Variants in NAALADL2 observed in about 807,000 individuals in gnomAD.
NAALADL2 encodes the protein inactive N-acetylated-alpha-linked acidic dipeptidase-like protein 2.
In NAALADL2, 76 loss-of-function variants were observed where a neutral mutation model predicts 87.2. The observed-to-expected ratio is 0.87, with a 90% CI of 0.72 to 1.05. NAALADL2 has a LOEUF of 1.05. Ranked by LOEUF, NAALADL2 falls within the 50% of genes least tolerant of loss-of-function variation. The probability of loss-of-function intolerance (pLI) is 0.00; values close to 1 mark genes in which losing one functional copy is unlikely to be tolerated. For synonymous variants in NAALADL2, 354 were observed against 331.0 expected (o/e 1.07, Z -0.75); for missense variants, 1,089 against 945.8 (o/e 1.15, Z -1.99).
chr3:174,858,974 A>G (rs1367849308), upstream of NAALADL2, among the ~76,000 whole-genome samples: 1 of 152,216 alleles, frequency 6.6e-6, no homozygotes. Context: ...TAAAAAATAA[A>G]TGTCGTGTAA....
At chr3:175,452,380 A>G (rs80188280) in intron 6 of NAALADL2, among the ~76,000 whole-genome samples, 4,050 of 152,236 alleles carry the variant, frequency 0.027, 78 homozygotes, top group East Asian at 0.085. Context: ...TTTGGCCATA[A>G]CAAAACTAAG....
intron 2 of NAALADL2, among the ~76,000 whole-genome samples, chr3:175,198,957 C>T (rs1739401470): frequency 6.6e-6 from 1 of 152,056 alleles, no homozygotes; most frequent in African/African-American, 2.4e-5. Context: ...ATCAGAAGCT[C>T]AGAACTCTGA....
intron 1 of NAALADL2, among the ~76,000 whole-genome samples, chr3:174,511,185 T>C (rs926749113): frequency 2.0e-5 from 3 of 152,084 alleles, no homozygotes; most frequent in Non-Finnish European, 4.4e-5. Context: ...TTAGATCAAG[T>C]CAGTTAATGG....
At chr3:175,787,413 G>T (rs927133610) in intron 13 of NAALADL2, among the ~76,000 whole-genome samples, 1 of 152,202 alleles carries the variant, frequency 6.6e-6, no homozygotes, top group African/African-American at 2.4e-5. Flanking sequence ...GTAATCTTGT[G>T]GTGCGCCGTT....
At chr3:175,292,009 G>C (rs987419472) in intron 4 of NAALADL2, among the ~76,000 whole-genome samples, 14 of 152,260 alleles carry the variant, frequency 9.2e-5, no homozygotes, top group Non-Finnish European at 2.1e-4. Flanking sequence ...TTATATGTTA[G>C]CTTTACAGGT....
At chr3:175,305,062 A>G (rs1263858122) in intron 4 of NAALADL2, among the ~76,000 whole-genome samples, 1 of 152,244 alleles carries the variant, frequency 6.6e-6, no homozygotes, top group East Asian at 1.9e-4. Flanking sequence ...GCTCTGTGAT[A>G]CAAAGTTATT....
At chr3:175,419,929 T>C (rs543178528) in intron 5 of NAALADL2, among the ~76,000 whole-genome samples, 4 of 152,008 alleles carry the variant, frequency 2.6e-5, no homozygotes, top group African/African-American at 9.6e-5. Flanking sequence ...CAGACCCAAT[T>C]AGACACAAGG....
chr3:175,671,241 T>G (rs1201126745), intron 11 of NAALADL2, among the ~76,000 whole-genome samples: 5 of 151,930 alleles, frequency 3.3e-5, no homozygotes, highest in Admixed American at 2.6e-4. Context: ...AAATGTTAAC[T>G]CCATTTTTTT....
chr3:174,968,535 A>G (rs1438471371), intron 1 of NAALADL2, among the ~76,000 whole-genome samples: 1 of 152,038 alleles, frequency 6.6e-6, no homozygotes, highest in Non-Finnish European at 1.5e-5. Context: ...GCTGCAGTGT[A>G]GTGACATGAT....
At chr3:175,200,634 A>G (rs945339874) in intron 2 of NAALADL2, among the ~76,000 whole-genome samples, 1 of 152,182 alleles carries the variant, frequency 6.6e-6, no homozygotes, top group Non-Finnish European at 1.5e-5. Flanking sequence ...ACTCACATCC[A>G]GTGAGACATG....
At chr3:175,598,406 GA>G (rs2149628205) in intron 10 of NAALADL2, among the ~76,000 whole-genome samples, 1 of 150,974 alleles carries the variant, frequency 6.6e-6, no homozygotes, top group African/African-American at 2.4e-5. Flanking sequence ...AGGTGAAAAT[GA>G]AAAACAGGTT....
At position 174,817,801 on chromosome 3, in the gene NAALADL2, T is replaced by C. The variant is rs141414974; in HGVS notation, c.-9+80055T>C. ...TTCTTATAAACCCTCAGTTTGCCAG[T>C]TTATGTCCATTGTCAATCAGCATTT... On this transcript the variant is annotated intron_variant, in intron 3 of 3. Transcript: ENST00000434257. 3.2e-3 allele frequency among the ~76,000 whole-genome samples: 484 copies of C among 152,222 alleles called. 2 individuals carry two copies. The highest frequency in any genetic ancestry group is 0.011 in the African/African-American group (462 of 41,524).
At chr3:175,339,832 C>T (rs1337374460) in intron 5 of NAALADL2, among the ~76,000 whole-genome samples, 1 of 152,026 alleles carries the variant, frequency 6.6e-6, no homozygotes, top group Non-Finnish European at 1.5e-5. Context: ...AAATATAATT[C>T]TGGGGATGAA....
intron 2 of NAALADL2, among the ~76,000 whole-genome samples, chr3:175,172,731 T>G (rs1735030605): frequency 6.6e-6 from 1 of 152,104 alleles, no homozygotes. Context: ...AGATTTGGAA[T>G]AGTAAAGGAA....
At chr3:175,698,651 A>C (rs1738538274) in intron 11 of NAALADL2, among the ~76,000 whole-genome samples, 1 of 151,220 alleles carries the variant, frequency 6.6e-6, no homozygotes, top group Non-Finnish European at 1.5e-5. Context: ...AGAATAGACA[A>C]ATTTAATAAA....
chr3:174,731,967 A>G (rs906565448), intron 2 of NAALADL2, among the ~76,000 whole-genome samples: 1 of 152,152 alleles, frequency 6.6e-6, no homozygotes, highest in Non-Finnish European at 1.5e-5. Context: ...TTATAGCAGG[A>G]AAGCCACCAT....
chr3:175,797,728 G>C (rs748909922), intron 13 of NAALADL2, among the ~76,000 whole-genome samples: 32 of 152,028 alleles, frequency 2.1e-4, no homozygotes, highest in Non-Finnish European at 3.2e-4. Context: ...TTTTAACTCT[G>C]TTTGACCAAT....
intron 6 of NAALADL2, chr3:175,459,987 C>G (rs1269734323): frequency 3.1e-6 from 1 of 318,390 alleles, no homozygotes; most frequent in Non-Finnish European, 6.2e-6. Context: ...TATCACAATT[C>G]TCTAAGTCAT....
chr3:175,418,954 G>A (rs1459057468), intron 5 of NAALADL2, among the ~76,000 whole-genome samples: 1 of 151,780 alleles, frequency 6.6e-6, no homozygotes, highest in Non-Finnish European at 1.5e-5. Context: ...CAGTTCACAT[G>A]TATCAGATGT....
Sources: allele counts gnomAD v4.1 joint callset (sites outside exome capture counted in the v4.1 genomes callset), GRCh38; gene constraint gnomAD v4.1.1; transcripts MANE v1.5; gene names NCBI Gene and HGNC (gene_info 2026-07-23, HGNC 2026-07-21).